The following PHACTR3 variants were observed in gnomAD, a reference collection of about 807,000 sequenced individuals.
PHACTR3 encodes the protein protein phosphatase 1, regulatory subunit 123.
In PHACTR3, 16 loss-of-function variants were observed where a neutral mutation model predicts 66.8. The ratio of observed to expected loss-of-function variants is 0.24; its 90% CI spans 0.16 to 0.36. The LOEUF is 0.36. PHACTR3 is among the 10% of genes least tolerant of loss of function. PHACTR3 has a pLI of 1.00. For missense variants in PHACTR3, 647 were observed against 719.9 expected (o/e 0.90, Z 1.16); for synonymous variants, 323 against 292.1 (o/e 1.11, Z -1.08).
At chr20:59,807,456 T>TG (rs2041603590) in intron 8 of PHACTR3, among the ~76,000 whole-genome samples, 2 of 152,236 alleles carry the variant, frequency 1.3e-5, no homozygotes, top group Admixed American at 1.3e-4. Context: ...CAGTGCCTTC[T>TG]GGATTCCTTC....
chr20:59,809,881 G>C (rs950428727), intron 8 of PHACTR3, among the ~76,000 whole-genome samples: 1 of 152,188 alleles, frequency 6.6e-6, no homozygotes, highest in African/African-American at 2.4e-5. Flanking sequence ...ATTGGGTCCA[G>C]CTGGCACTTT....
chr20:59,764,372 C>G (rs1488313961), intron 4 of PHACTR3, among the ~76,000 whole-genome samples: 1 of 152,140 alleles, frequency 6.6e-6, no homozygotes, highest in Non-Finnish European at 1.5e-5. Flanking sequence ...ACCCTTGGAG[C>G]CTGGTTCAGA....
At chr20:59,707,754 C>T (rs1195357591) in intron 1 of PHACTR3, among the ~76,000 whole-genome samples, 3 of 152,130 alleles carry the variant, frequency 2.0e-5, no homozygotes, top group African/African-American at 2.4e-5. Context: ...GCGTGAGCCC[C>T]CTTGCCCAGC....
chr20:59,633,611 C>G (rs1021178863), intron 1 of PHACTR3, among the ~76,000 whole-genome samples: 1 of 152,112 alleles, frequency 6.6e-6, no homozygotes, highest in Non-Finnish European at 1.5e-5. Context: ...ATATGTATCC[C>G]GCTTTTCTTT....
At chr20:59,798,421 T>G (rs182371383) in intron 7 of PHACTR3, among the ~76,000 whole-genome samples, 30 of 152,296 alleles carry the variant, frequency 2.0e-4, no homozygotes, top group African/African-American at 6.7e-4. Flanking sequence ...TTGAAATAAT[T>G]TACATAAAAT....
At chr20:59,598,663 T>A (rs2033391729) in intron 1 of PHACTR3, among the ~76,000 whole-genome samples, 1 of 152,208 alleles carries the variant, frequency 6.6e-6, no homozygotes, top group East Asian at 1.9e-4. Flanking sequence ...TGGCATTGCA[T>A]TGAGCACCAC....
At chr20:59,839,690 T>C (rs2059023986) in intron 9 of PHACTR3, among the ~76,000 whole-genome samples, 1 of 152,202 alleles carries the variant, frequency 6.6e-6, no homozygotes, top group African/African-American at 2.4e-5. Context: ...GCTTGAATGT[T>C]AATAGTCACA....
chr20:59,773,539 G>A, intron 6 of PHACTR3, 86 bp downstream of exon 6: 1 of 1,376,830 alleles, frequency 7.3e-7, no homozygotes. Flanking sequence ...GCCACGCCCA[G>A]GGCCTTGGCT....
In PHACTR3 at chr20:59,836,506, C is replaced by G; in HGVS notation, c.1330C>G (p.Arg444Gly). ...TGTAATTTTAGTGTTTTTCCGCAGA[C>G]GGCTGAGCCAAAGACCTGCCGTGGA... ...RQQIEMKLSKRLSQRPAVEEL... is the reference protein window; with the variant it reads ...RQQIEMKLSKGLSQRPAVEEL... Residue 444 changes from arginine (R) to glycine (G), a missense_variant and splice_region_variant, in exon 9 of 13, where the codon CGG becomes GGG. This residue lies in a region of PHACTR3 where 70 missense variants were observed against 148.8 expected (regional missense o/e 0.47). Coordinates refer to ENST00000371015, the MANE Select transcript of PHACTR3 (RefSeq NM_080672.5). 1 of 1,607,750 alleles carries G rather than the reference C, an allele frequency of 6.2e-7. No homozygotes were observed. The highest frequency in any genetic ancestry group is 8.5e-7 in the Non-Finnish European group (1 of 1,177,760).
intron 1 of PHACTR3, among the ~76,000 whole-genome samples, chr20:59,680,425 C>T (rs929270993): frequency 6.6e-6 from 1 of 152,126 alleles, no homozygotes; most frequent in Non-Finnish European, 1.5e-5. Flanking sequence ...AACATATCCA[C>T]CTTCCTACAG....
chr20:59,622,989 A>AAAAAACAAAAAAAAAAC, intron 1 of PHACTR3, among the ~76,000 whole-genome samples: 1 of 141,470 alleles, frequency 7.1e-6, no homozygotes, highest in South Asian at 2.3e-4. Context: ...ACCAAAAAAA[A>AAAAAACAAAAAAAAAAC]AAAAAAAAAA....
At chr20:59,831,809 C>G (rs1036256429) in intron 8 of PHACTR3, among the ~76,000 whole-genome samples, 3 of 152,208 alleles carry the variant, frequency 2.0e-5, no homozygotes, top group Non-Finnish European at 4.4e-5. Context: ...AACCGGCGCC[C>G]ATTCCTTTGC....
chr20:59,751,841 C>T (rs946039089), intron 3 of PHACTR3, among the ~76,000 whole-genome samples: 1 of 152,048 alleles, frequency 6.6e-6, no homozygotes, highest in African/African-American at 2.4e-5. Flanking sequence ...CCACCCTCGT[C>T]TCGGATATCC....
chr20:59,674,291 G>T (rs993554970), intron 1 of PHACTR3, among the ~76,000 whole-genome samples: 1 of 149,972 alleles, frequency 6.7e-6, no homozygotes, highest in African/African-American at 2.5e-5. Context: ...TTAATGTGCT[G>T]CCCCAGGCAG....
chr20:59,767,330 C>T lies in PHACTR3; in HGVS notation c.686C>T (p.Pro229Leu). The change falls in exon 5 of 13, where the codon CCC (proline) becomes CTC (leucine). Residue 229 changes from proline to leucine, a missense_variant. This residue lies in a region of PHACTR3 where 577 missense variants were observed against 571.1 expected (regional missense o/e 1.01). Transcript: ENST00000371015. ...CTGGAGAGATCCGTGGGCCAGCTCC[C>T]CAGCCCCCCACTGCTGCCCACTCCG... ...RPLERSVGQLPSPPLLPTPPP... is the reference protein window; with the variant it reads ...RPLERSVGQLLSPPLLPTPPP... 1.2e-6 allele frequency: 2 copies of T among 1,614,174 alleles called. No individual in the cohort carries two copies. The highest frequency in any genetic ancestry group is 1.7e-6 in the Non-Finnish European group (2 of 1,180,028).
chr20:59,720,499 C>T (rs1364844756), intron 1 of PHACTR3, among the ~76,000 whole-genome samples: 4 of 152,174 alleles, frequency 2.6e-5, no homozygotes, highest in Non-Finnish European at 5.9e-5. Context: ...GCTGATGGCA[C>T]CTACTAAGCG....
chr20:59,711,612 A>G (rs2037917155), intron 1 of PHACTR3, among the ~76,000 whole-genome samples: 2 of 152,200 alleles, frequency 1.3e-5, no homozygotes, highest in South Asian at 2.1e-4. Context: ...CCTGTCATAA[A>G]TGTGCTCAAA....
chr20:59,837,986 T>C (rs576899679), intron 9 of PHACTR3, among the ~76,000 whole-genome samples: 23 of 152,280 alleles, frequency 1.5e-4, no homozygotes, highest in African/African-American at 5.3e-4. Context: ...GCCTTAGAAA[T>C]AGAACTATCT....
chr20:59,588,947 A>G (rs2146309271), intron 1 of PHACTR3, among the ~76,000 whole-genome samples: 1 of 152,342 alleles, frequency 6.6e-6, no homozygotes, highest in Admixed American at 6.5e-5. Flanking sequence ...CCAGGGGAGC[A>G]GGAAGTGCTA....
Sources: gnomAD v4.1 joint callset for allele counts (sites outside exome capture counted in the v4.1 genomes callset) on GRCh38, gnomAD v4.1.1 for gene constraint, gnomAD v4.1.1 regional missense constraint, MANE v1.5 for transcripts, NCBI Gene and HGNC (gene_info 2026-07-23, HGNC 2026-07-21) for gene names.